The following ITSN1 variants were observed in gnomAD, a reference collection of about 807,000 sequenced individuals.
ITSN1 encodes the protein intersectin 1.
ITSN1 carries 58 observed loss-of-function variants against 239.8 expected under a neutral mutation model. The observed-to-expected ratio is 0.24, with a 90% CI of 0.20 to 0.30. The LOEUF (loss-of-function observed/expected upper bound fraction) is 0.30, where lower values mean the gene tolerates loss of function less well. Among genes scored for constraint, ITSN1 ranks in the 10% least tolerant of loss-of-function variants. The pLI is 1.00. For synonymous variants in ITSN1, 780 were observed against 770.8 expected, an observed-to-expected ratio of 1.01 and a Z score of -0.20; for missense variants, 1,558 against 2,103.3, an observed-to-expected ratio of 0.74 and a Z score of 5.07.
At chr21:33,818,817 C>G (rs567544144) in intron 23 of ITSN1, among the ~76,000 whole-genome samples, 1 of 152,258 alleles carries the variant, frequency 6.6e-6, no homozygotes, top group Admixed American at 6.5e-5. Flanking sequence ...ACTTGGAAAC[C>G]CAAAGGATCT....
At chr21:33,654,642 GTTCGTTTCTTCC>G in intron 1 of ITSN1, among the ~76,000 whole-genome samples, 1 of 152,252 alleles carries the variant, frequency 6.6e-6, no homozygotes, top group East Asian at 1.9e-4. Flanking sequence ...CCCAATCAGT[GTTCGTTTCTTCC>G]CTGGAAATTT....
intron 1 of ITSN1, among the ~76,000 whole-genome samples, chr21:33,647,683 A>T (rs890852786): frequency 3.9e-5 from 6 of 151,934 alleles, no homozygotes; most frequent in Non-Finnish European, 7.4e-5. Flanking sequence ...TTTAGTGGAG[A>T]TGGGGTTTCG....
At chr21:33,776,387 A>T (rs1275854739) in intron 14 of ITSN1, among the ~76,000 whole-genome samples, 2 of 42,752 alleles carry the variant, frequency 4.7e-5, no homozygotes, top group African/African-American at 1.5e-4. Flanking sequence ...CCCCATCTCT[A>T]AAAAAAAAAA....
chr21:33,709,417 G>A (rs2092348098), intron 1 of ITSN1, among the ~76,000 whole-genome samples: 1 of 152,020 alleles, frequency 6.6e-6, no homozygotes, highest in African/African-American at 2.4e-5. Context: ...CGATTTTCAT[G>A]CCTCAGCCTC....
chr21:33,899,767 C>A lies in ITSN1; in HGVS notation c.*11467C>A, dbSNP rs2148601550. The A allele has an allele frequency of 6.6e-6, 1 of 151,252 alleles. No individual in the cohort carries two copies. The highest frequency in any genetic ancestry group is 2.2e-4 in the South Asian group (1 of 4,648). The allele number at this position is 151,252 out of a possible 1,614,324, so 9.4% of individuals were successfully genotyped here. Reference sequence around the variant, plus strand: ...TTGAACCTAAAAAGAACAATCTCTTCAAAAACAAAAACAAAAACAAAAAAC... The same window carrying A: ...TTGAACCTAAAAAGAACAATCTCTTAAAAAACAAAAACAAAAACAAAAAAC... On this transcript the variant is annotated 3_prime_UTR_variant, in exon 40 of 40. Coordinates refer to ENST00000381318, the MANE Select transcript of ITSN1 (RefSeq NM_003024.3).
intron 1 of ITSN1, among the ~76,000 whole-genome samples, chr21:33,717,716 C>T (rs2065240751): frequency 6.9e-6 from 1 of 144,940 alleles, no homozygotes; most frequent in Non-Finnish European, 1.5e-5. Context: ...CCACCACGCC[C>T]AGCTAATTTT....
intron 1 of ITSN1, among the ~76,000 whole-genome samples, chr21:33,712,516 C>T (rs1015530741): frequency 6.6e-6 from 1 of 152,208 alleles, no homozygotes; most frequent in Non-Finnish European, 1.5e-5. Flanking sequence ...AGTTAATTCA[C>T]ACAATGGCAG....
chr21:33,690,790 CATATATATATATATATATATATATGTAT>C (rs1199479464), intron 1 of ITSN1, among the ~76,000 whole-genome samples: 2 of 12,964 alleles, frequency 1.5e-4, no homozygotes, highest in Non-Finnish European at 2.7e-4. Flanking sequence ...TATATATATA[CATATATATATATATATATATATATGTAT>C]ATATATATAT....
intron 14 of ITSN1, among the ~76,000 whole-genome samples, chr21:33,775,640 G>A (rs2069542009): frequency 6.6e-6 from 1 of 152,190 alleles, no homozygotes; most frequent in South Asian, 2.1e-4. Context: ...AAAGTCCTGA[G>A]GTCGTAGCAG....
chr21:33,853,611 G>C (rs1009822352), intron 29 of ITSN1, among the ~76,000 whole-genome samples: 1 of 152,170 alleles, frequency 6.6e-6, no homozygotes, highest in Non-Finnish European at 1.5e-5. Flanking sequence ...CGTGTCTGCT[G>C]GTCCCTCGCA....
In ITSN1 at chr21:33,755,390, C is replaced by T; in HGVS notation, c.717C>T (p.His239=). ...GTCATGACAAAACTATGAGTGGACA[C>T]TTAACAGGTATTTACAAATAAAAAT... The part of the protein sequence containing the change: ...FNSHDKTMSG[H]LTGPQARTIL... The change falls in exon 8 of 40, where the codon CAC becomes CAT. Residue 239 remains histidine, a synonymous_variant. Coordinates refer to ENST00000381318, the MANE Select transcript of ITSN1 (RefSeq NM_003024.3). The T allele has an allele frequency of 6.5e-7, 1 of 1,528,346 alleles. No individual in the cohort carries two copies. The allele number at this position is 1,528,346 out of a possible 1,614,324, so 94.7% of individuals were successfully genotyped here. A position where few individuals can be genotyped will look rare whatever the true frequency, so the allele number is the denominator to read the frequency against.
chr21:33,794,802 C>G (rs1307422777), intron 17 of ITSN1, among the ~76,000 whole-genome samples: 1 of 152,214 alleles, frequency 6.6e-6, no homozygotes, highest in East Asian at 1.9e-4. Flanking sequence ...GTTGGAGTGC[C>G]TGGTTTAAAA....
intron 34 of ITSN1, among the ~76,000 whole-genome samples, chr21:33,876,736 T>A (rs936050745): frequency 2.6e-5 from 4 of 152,068 alleles, no homozygotes; most frequent in Admixed American, 6.6e-5. Flanking sequence ...TACAAAAAAA[T>A]AAAAAGTAAA....
chr21:33,871,446 AAAC>A (rs1160920386), intron 33 of ITSN1, among the ~76,000 whole-genome samples: 1 of 143,638 alleles, frequency 7.0e-6, no homozygotes, highest in Non-Finnish European at 1.5e-5. Flanking sequence ...ACAAAAAAAA[AAAC>A]AAAAAACAAA....
Position 33,899,797 on chromosome 21 carries a change from CTT to C in ITSN1, c.*11499_*11500del, listed in dbSNP as rs1170094265. 1.3e-5 allele frequency: 2 copies of C among 152,158 alleles called. No homozygotes were observed. The highest frequency in any genetic ancestry group is 2.1e-4 in the South Asian group (1 of 4,832). 9.4% of individuals were successfully genotyped at this position (152,158 alleles called of 1,614,324 possible). On this transcript the variant is annotated 3_prime_UTR_variant, in exon 40 of 40. Coordinates refer to ENST00000381318, the MANE Select transcript of ITSN1 (RefSeq NM_003024.3). ...ACAAAAACAAAAACAAAAAACAACT[CTT>C]TGGTCATTTTGACCTGTGTGGTTTA...
chr21:33,739,333 G>C (rs893276736), intron 5 of ITSN1, among the ~76,000 whole-genome samples: 5 of 152,126 alleles, frequency 3.3e-5, no homozygotes, highest in African/African-American at 1.2e-4. Context: ...TCTGGACCCA[G>C]CTTATACAGG....
At chr21:33,814,194 G>A (rs2073112882) in intron 22 of ITSN1, 122 bp downstream of exon 22, 2 of 1,071,290 alleles carry the variant, frequency 1.9e-6, no homozygotes, top group South Asian at 1.6e-5. Flanking sequence ...TGGTTGGCTG[G>A]CAGTATGGGA....
At chr21:33,815,980 G>A (rs904972322) in intron 22 of ITSN1, among the ~76,000 whole-genome samples, 11 of 152,118 alleles carry the variant, frequency 7.2e-5, no homozygotes, top group Non-Finnish European at 1.5e-4. Context: ...TCAGGAGTTC[G>A]TGTCCAGCCT....
At chr21:33,777,687 A>G (rs1288420486) in intron 14 of ITSN1, among the ~76,000 whole-genome samples, 2 of 152,170 alleles carry the variant, frequency 1.3e-5, no homozygotes, top group African/African-American at 4.8e-5. Flanking sequence ...TTTTGATGCT[A>G]TTGTATATTG....
Sources: allele counts gnomAD v4.1 joint callset (sites outside exome capture counted in the v4.1 genomes callset), GRCh38; gene constraint gnomAD v4.1.1; transcripts MANE v1.5; gene names NCBI Gene and HGNC (gene_info 2026-07-23, HGNC 2026-07-21).